Variants in ANO2 observed in about 807,000 individuals in gnomAD.
ANO2 encodes anoctamin-2.
ANO2 carries 101 observed loss-of-function variants against 124.2 expected under a neutral mutation model. The observed-to-expected ratio is 0.81, with a 90% CI of 0.69 to 0.96. The LOEUF is 0.96. ANO2 is among the 40% of genes least tolerant of loss of function. ANO2 has a pLI of 0.00. For missense variants in ANO2, 1,293 were observed against 1,274.5 expected (o/e 1.01, Z -0.22); for synonymous variants, 486 against 482.5 (o/e 1.01, Z -0.09).
Position 5,599,635 on chromosome 12 carries a change from A to G in ANO2, c.2088-6T>C, listed in dbSNP as rs1943833262. 6.2e-7 allele frequency: 1 copy of G among 1,613,406 alleles called. No individual in the cohort carries two copies. Among genetic ancestry groups the G allele is most frequent in the Non-Finnish European group, 8.5e-7 (1 of 1,179,744 alleles). On this transcript the variant is annotated splice_region_variant and splice_polypyrimidine_tract_variant and intron_variant, in intron 19 of 24. Transcript: ENST00000682330. ...GAAATAGTTTCTTTAGCTTCCTGGAAAAGAAATGGATTAAGTTACAAAAAG... is the reference window on the plus strand; with the variant it reads ...GAAATAGTTTCTTTAGCTTCCTGGAGAAGAAATGGATTAAGTTACAAAAAG...
chr12:5,568,129 C>G (rs1354538388), intron 23 of ANO2, among the ~76,000 whole-genome samples: 1 of 151,184 alleles, frequency 6.6e-6, no homozygotes, highest in Non-Finnish European at 1.5e-5. Context: ...TCCTAACCCA[C>G]CCTATGCTTT....
At chr12:5,914,624 C>A (rs1941273831) in intron 3 of ANO2, among the ~76,000 whole-genome samples, 1 of 152,188 alleles carries the variant, frequency 6.6e-6, no homozygotes, top group Non-Finnish European at 1.5e-5. Context: ...TATCAGTTCC[C>A]TGGTGGTCCC....
At chr12:5,605,317 C>A (rs1176046649) in intron 19 of ANO2, among the ~76,000 whole-genome samples, 2 of 152,144 alleles carry the variant, frequency 1.3e-5, no homozygotes, top group East Asian at 1.9e-4. Context: ...TTAAAGAGAG[C>A]CTGTTTTATG....
intron 14 of ANO2, among the ~76,000 whole-genome samples, chr12:5,655,555 C>A (rs957098349): frequency 1.3e-5 from 2 of 152,220 alleles, no homozygotes; most frequent in African/African-American, 4.8e-5. Flanking sequence ...TTTCCTTCTG[C>A]TGGGTGTGGC....
chr12:5,821,858 G>A (rs1402892052), intron 7 of ANO2, among the ~76,000 whole-genome samples: 1 of 152,198 alleles, frequency 6.6e-6, no homozygotes, highest in Non-Finnish European at 1.5e-5. Flanking sequence ...AGCAGGTCCT[G>A]AAAGCACAAG....
At chr12:5,730,548 C>T (rs1043607154) in intron 14 of ANO2, among the ~76,000 whole-genome samples, 1 of 152,202 alleles carries the variant, frequency 6.6e-6, no homozygotes, top group African/African-American at 2.4e-5. Flanking sequence ...AGACCACCAG[C>T]TAGAATTTGA....
chr12:5,824,847 A>G (rs1188214498), intron 7 of ANO2, among the ~76,000 whole-genome samples: 1 of 152,184 alleles, frequency 6.6e-6, no homozygotes. Flanking sequence ...GGGGAAAGGC[A>G]CTTCTTACAT....
chr12:5,889,508 A>G (rs779033195), intron 3 of ANO2, among the ~76,000 whole-genome samples: 4 of 152,382 alleles, frequency 2.6e-5, no homozygotes, highest in Middle Eastern at 3.4e-3. Flanking sequence ...GGTCAGCATA[A>G]TAAGTGTCCA....
At chr12:5,707,768 C>T (rs967499182) in intron 14 of ANO2, among the ~76,000 whole-genome samples, 4 of 152,248 alleles carry the variant, frequency 2.6e-5, no homozygotes, top group Admixed American at 2.6e-4. Flanking sequence ...TTCCTCTGAA[C>T]AGATGGTGTA....
At chr12:5,946,120 A>C, upstream of ANO2, 1 of 1,611,552 alleles carries the variant, frequency 6.2e-7, no homozygotes, top group Non-Finnish European at 8.5e-7. The surrounding 1 kb of genome is among the most constrained non-coding windows in gnomAD (Gnocchi z 4.1). Flanking sequence ...GTACTATGTT[A>C]AGGTCAAGTA....
intron 16 of ANO2, among the ~76,000 whole-genome samples, chr12:5,623,983 A>G (rs1945259978): frequency 6.6e-6 from 1 of 152,148 alleles, no homozygotes; most frequent in Non-Finnish European, 1.5e-5. Flanking sequence ...CAGCTGGGTA[A>G]CAAGGCAGCC....
intron 3 of ANO2, among the ~76,000 whole-genome samples, chr12:5,887,022 C>T (rs1038898093): frequency 1.3e-5 from 2 of 152,034 alleles, no homozygotes; most frequent in African/African-American, 2.4e-5. Flanking sequence ...GTGGTGGTTG[C>T]GCTACAATGT....
At chr12:5,755,900 T>C (rs1951568346) in intron 10 of ANO2, among the ~76,000 whole-genome samples, 1 of 152,194 alleles carries the variant, frequency 6.6e-6, no homozygotes, top group African/African-American at 2.4e-5. Flanking sequence ...TTTCTCTTCC[T>C]AGATTTGGAA....
chr12:5,610,266 T>C (rs1398734709), intron 19 of ANO2, among the ~76,000 whole-genome samples: 3 of 122,654 alleles, frequency 2.4e-5, no homozygotes, highest in Non-Finnish European at 4.7e-5. Context: ...TACATAAATA[T>C]ATAAATGCAT....
intron 15 of ANO2, among the ~76,000 whole-genome samples, chr12:5,641,724 CAATT>C (rs1946402390): frequency 1.3e-5 from 2 of 152,064 alleles, no homozygotes; most frequent in African/African-American, 4.8e-5. Flanking sequence ...GTGAGATTCT[CAATT>C]AGTTATTGGT....
chr12:5,923,196 GCA>G lies in ANO2; in HGVS notation c.23-394_23-393del, dbSNP rs1301056475. ...CACGCACACACACATACACACACAC[GCA>G]CGCACACACACCCACATACACACAC... is the stretch of plus-strand genomic sequence containing the variant. On this transcript the variant is annotated intron_variant, in intron 1 of 24. Transcript: ENST00000682330. Among the ~76,000 whole-genome samples, 7 of 34,296 alleles carry G rather than the reference GCA, an allele frequency of 2.0e-4. No individual in the cohort carries two copies. In the East Asian group the frequency reaches 0.012, roughly 59 times the overall value. 22.5% of individuals were successfully genotyped at this position (34,296 alleles called of 152,430 possible).
In ANO2 at chr12:5,770,633, G is replaced by A. The variant is rs139703233; in HGVS notation, c.1056-19663C>T. 3.8e-3 allele frequency among the ~76,000 whole-genome samples: 582 copies of A among 152,060 alleles called. 1 individual carries two copies. The highest frequency in any genetic ancestry group is 5.6e-3 in the Non-Finnish European group (380 of 67,990). ...CACCACCAATACCCTGGCCAAACAC[G>A]GTCCCTGCAAAGACCTCCCTGCTTC... On this transcript the variant is annotated intron_variant, in intron 10 of 24. Transcript: ENST00000682330.
chr12:5,931,961 GATA>G (rs1343206802), intron 1 of ANO2, among the ~76,000 whole-genome samples: 341 of 125,736 alleles, frequency 2.7e-3, no homozygotes, highest in African/African-American at 4.4e-3. Context: ...GAGGAAAGAA[GATA>G]GACTAGTAAG....
intron 10 of ANO2, among the ~76,000 whole-genome samples, chr12:5,776,049 C>T (rs1952224349): frequency 6.6e-6 from 1 of 152,134 alleles, no homozygotes; most frequent in African/African-American, 2.4e-5. Flanking sequence ...GAAAAAAGTC[C>T]ACCCTCTATC....
Sources: allele counts gnomAD v4.1 joint callset (sites outside exome capture counted in the v4.1 genomes callset), GRCh38; gene constraint gnomAD v4.1.1; non-coding constraint Gnocchi (gnomAD v3.1); transcripts MANE v1.5; gene names NCBI Gene and HGNC (gene_info 2026-07-23, HGNC 2026-07-21).